Variants in OSBPL3 observed in about 807,000 individuals in gnomAD.
OSBPL3 encodes the protein oxysterol binding protein like 3.
Under a neutral mutation model 120.1 loss-of-function variants are expected in OSBPL3, and 65 were observed. That is an observed-to-expected ratio of 0.54 (90% confidence interval 0.44 to 0.67). The LOEUF (loss-of-function observed/expected upper bound fraction) is 0.67. Among genes scored for constraint, OSBPL3 ranks in the 30% least tolerant of loss-of-function variants. The probability of loss-of-function intolerance (pLI) is 0.00; values close to 1 mark genes in which losing one functional copy is unlikely to be tolerated. For missense variants in OSBPL3, 1,004 were observed against 1,082.1 expected (o/e 0.93, Z 1.01); for synonymous variants, 416 against 402.6 (o/e 1.03, Z -0.40).
At chr7:24,906,887 A>G (rs1584577723) in intron 1 of OSBPL3, among the ~76,000 whole-genome samples, 1 of 150,812 alleles carries the variant, frequency 6.6e-6, no homozygotes. Context: ...ACTGCTCCCT[A>G]CCCCCACACT....
chr7:24,875,534 T>C (rs1433170822), intron 2 of OSBPL3, among the ~76,000 whole-genome samples: 1 of 152,172 alleles, frequency 6.6e-6, no homozygotes, highest in South Asian at 2.1e-4. Flanking sequence ...AAATTATGTA[T>C]TCAAGTAGGT....
intron 1 of OSBPL3, among the ~76,000 whole-genome samples, chr7:24,910,117 T>A (rs899306064): frequency 1.1e-4 from 16 of 152,162 alleles, no homozygotes; most frequent in Non-Finnish European, 2.1e-4. Flanking sequence ...AAAGCTACTA[T>A]TTTCAATTTG....
intron 1 of OSBPL3, among the ~76,000 whole-genome samples, chr7:24,941,012 G>T (rs1813038673): frequency 6.6e-6 from 1 of 151,910 alleles, no homozygotes; most frequent in African/African-American, 2.4e-5. Context: ...GTAGAGACGG[G>T]GTTTCACCAT....
At chr7:24,962,184 T>G (rs1815825824) in intron 1 of OSBPL3, among the ~76,000 whole-genome samples, 1 of 151,540 alleles carries the variant, frequency 6.6e-6, no homozygotes, top group South Asian at 2.1e-4. Context: ...ATGCCTGTAA[T>G]CCCAGCTACT....
At chr7:24,893,069 T>A (rs1805607753) in intron 1 of OSBPL3, among the ~76,000 whole-genome samples, 1 of 152,238 alleles carries the variant, frequency 6.6e-6, no homozygotes, top group Non-Finnish European at 1.5e-5. Context: ...GCTGTTCTAT[T>A]TCTCAAAAAT....
chr7:24,906,338 A>G, intron 1 of OSBPL3: 1 of 240,936 alleles, frequency 4.2e-6, no homozygotes, highest in South Asian at 4.7e-5. Flanking sequence ...TACCAGGGCA[A>G]AGAGGAGCCG....
In OSBPL3 at chr7:24,831,223, T is replaced by C. The variant is rs1796327448; in HGVS notation, c.1747-318A>G. Among the ~76,000 whole-genome samples the C allele has an allele frequency of 6.6e-6, 1 of 152,178 alleles. No homozygotes were observed. Among genetic ancestry groups the C allele is most frequent in the Non-Finnish European group, 1.5e-5 (1 of 68,026 alleles). On this transcript the variant is annotated intron_variant, in intron 15 of 22. Coordinates refer to ENST00000313367, the MANE Select transcript of OSBPL3 (RefSeq NM_015550.4). The surrounding 1 kb of genome is among the most constrained non-coding windows in gnomAD (Gnocchi z 4.0). The stretch of plus-strand genomic sequence containing the variant: ...ACTGTTAAGCTGAGTCCAGTACTTT[T>C]AAGCCTGACAGTATCTGAGGATCCT...
Position 24,953,949 on chromosome 7 carries a change from C to G in OSBPL3, c.-150+25937G>C, listed in dbSNP as rs1224829634. Reference sequence around the variant, plus strand: ...TGATCAACAGTCTGGAACACTTTCTCAATCACCAGATGAACCTTAGAACAA... The same window carrying G: ...TGATCAACAGTCTGGAACACTTTCTGAATCACCAGATGAACCTTAGAACAA... On this transcript the variant is annotated intron_variant, in intron 1 of 22. Transcript: ENST00000313367. The surrounding 1 kb of genome is among the most constrained non-coding windows in gnomAD (Gnocchi z 4.3). Among the ~76,000 whole-genome samples the G allele has an allele frequency of 6.6e-6, 1 of 152,186 alleles. No homozygotes were observed. The highest frequency in any genetic ancestry group is 6.5e-5 in the Admixed American group (1 of 15,278).
intron 1 of OSBPL3, among the ~76,000 whole-genome samples, chr7:24,897,847 T>C (rs898305083): frequency 6.6e-6 from 1 of 152,216 alleles, no homozygotes; most frequent in Non-Finnish European, 1.5e-5. Context: ...ATAACACAGC[T>C]ACTTATTAAT....
chr7:24,830,206 A>G lies in OSBPL3; in HGVS notation c.1884+562T>C, dbSNP rs1796198596. Reference sequence around the variant, plus strand: ...GAGTACAAGGTTGTGCATCCATCAGATGAGGGCAGGGACTCCTGTCCGGAC... The same window carrying G: ...GAGTACAAGGTTGTGCATCCATCAGGTGAGGGCAGGGACTCCTGTCCGGAC... On this transcript the variant is annotated intron_variant, in intron 16 of 22. Coordinates refer to ENST00000313367, the MANE Select transcript of OSBPL3 (RefSeq NM_015550.4). The surrounding 1 kb of genome is among the most constrained non-coding windows in gnomAD (Gnocchi z 4.4). 6.6e-6 allele frequency among the ~76,000 whole-genome samples: 1 copy of G among 152,174 alleles called. No individual in the cohort carries two copies. The highest frequency in any genetic ancestry group is 2.4e-5 in the African/African-American group (1 of 41,444).
Position 24,873,035 on chromosome 7 carries a change from T to C in OSBPL3, c.97-966A>G, listed in dbSNP as rs769869489. Among the ~76,000 whole-genome samples, 2 of 152,214 alleles carry C rather than the reference T, an allele frequency of 1.3e-5. No homozygotes were observed. Among genetic ancestry groups the C allele is most frequent in the African/African-American group, 2.4e-5 (1 of 41,446 alleles). On this transcript the variant is annotated intron_variant, in intron 2 of 22. Transcript: ENST00000313367. The surrounding 1 kb of genome is among the most constrained non-coding windows in gnomAD (Gnocchi z 4.1). Reference sequence around the variant, plus strand: ...GATAAAAATGATAAATTTTTACATTTATACATATACTCAGTAACTGCCAGC... The same window carrying C: ...GATAAAAATGATAAATTTTTACATTCATACATATACTCAGTAACTGCCAGC...
intron 5 of OSBPL3, among the ~76,000 whole-genome samples, chr7:24,869,957 C>A (rs766262929): frequency 3.9e-5 from 6 of 152,214 alleles, no homozygotes; most frequent in Non-Finnish European, 7.3e-5. Flanking sequence ...TAATTTCTAA[C>A]ATTTGGGTAC....
rs1814896895 is a variant in OSBPL3, at chr7:24,955,220, G to A, written c.-150+24666C>T. ...ATAAAGTTATAGTTCAATCATTCAT[G>A]AATTTGCTGAAAGCCAGTAGCAGGT... On this transcript the variant is annotated intron_variant, in intron 1 of 22. Coordinates refer to ENST00000313367, the MANE Select transcript of OSBPL3 (RefSeq NM_015550.4). This position sits in a 1 kb window ranked among gnomAD's most constrained non-coding sequence, Gnocchi z 4.3. Among the ~76,000 whole-genome samples the A allele has an allele frequency of 1.3e-5, 2 of 152,192 alleles. No individual in the cohort carries two copies. The highest frequency in any genetic ancestry group is 4.1e-4 in the South Asian group (2 of 4,834).
rs201872335 is a variant in OSBPL3, at chr7:24,872,443, A to AAGAG, written c.97-378_97-375dup. Among the ~76,000 whole-genome samples the AAGAG allele has an allele frequency of 1.4e-5, 1 of 71,194 alleles. No individual in the cohort carries two copies. Among genetic ancestry groups the AAGAG allele is most frequent in the African/African-American group, 5.8e-5 (1 of 17,168 alleles). The allele number at this position is 71,194 out of a possible 152,430, so 46.7% of individuals were successfully genotyped here. On this transcript the variant is annotated intron_variant, in intron 2 of 22. Transcript: ENST00000313367. This position sits in a 1 kb window ranked among gnomAD's most constrained non-coding sequence, Gnocchi z 4.1. ...AGACTTCAGTCTGAATTTTAACCGA[A>AAGAG]AGAGAGTGTGTGTGTGTGTGTGTGT...
rs1278679766 is a variant in OSBPL3, at chr7:24,967,168, T to C, written c.-150+12718A>G. Among the ~76,000 whole-genome samples the C allele has an allele frequency of 6.6e-6, 1 of 152,198 alleles. No homozygotes were observed. Among genetic ancestry groups the C allele is most frequent in the Non-Finnish European group, 1.5e-5 (1 of 68,012 alleles). ...CCTTCCCACAGTGTACACACAGAAA[T>C]CTTCCAATCATACAACATTTAATTT... On this transcript the variant is annotated intron_variant, in intron 1 of 22. Coordinates refer to ENST00000313367, the MANE Select transcript of OSBPL3 (RefSeq NM_015550.4). This position sits in a 1 kb window ranked among gnomAD's most constrained non-coding sequence, Gnocchi z 5.6.
At position 24,881,353 on chromosome 7, in the gene OSBPL3, C is replaced by A. The variant is rs1465344183; in HGVS notation, c.97-9284G>T. 2.0e-5 allele frequency among the ~76,000 whole-genome samples: 3 copies of A among 152,168 alleles called. No individual in the cohort carries two copies. The highest frequency in any genetic ancestry group is 4.4e-5 in the Non-Finnish European group (3 of 68,030). ...ACTTTACAAATCAAAGAAGGAATGA[C>A]TTTAGTGCCAAGTATGTTATAGTCC... On this transcript the variant is annotated intron_variant, in intron 2 of 22. Transcript: ENST00000313367. This position sits in a 1 kb window ranked among gnomAD's most constrained non-coding sequence, Gnocchi z 4.3.
Position 24,800,272 on chromosome 7 carries a change from C to T in OSBPL3, c.2575G>A (p.Asp859Asn), listed in dbSNP as rs139154799. The T allele has an allele frequency of 2.5e-3, 3,964 of 1,604,726 alleles. 16 individuals carry two copies. Among genetic ancestry groups the T allele is most frequent in the Non-Finnish European group, 3.1e-3 (3,674 of 1,171,800 alleles). Residue 859 changes from aspartate (D) to asparagine (N), a missense_variant, in exon 23 of 23, where the codon GAC becomes AAC. Transcript: ENST00000313367. Reference sequence around the variant, plus strand: ...CCGTTGCTCACCCAAGAGTCATCGTCGGATTTCCTGTGAAAGAAGAAACAA... The same window carrying T: ...CCGTTGCTCACCCAAGAGTCATCGTTGGATTTCCTGTGAAAGAAGAAACAA... ...EHQPRFFRKSDDDSWVSNGTY... is the reference protein window; with the variant it reads ...EHQPRFFRKSNDDSWVSNGTY...
In OSBPL3 at chr7:24,834,491, T is replaced by C. The variant is rs771918118; in HGVS notation, c.1741A>G (p.Arg581Gly). Reference protein sequence around the residue: ...KAAQIPSPLERMVYVAAFAIS... With the variant: ...KAAQIPSPLEGMVYVAAFAIS... The stretch of plus-strand genomic sequence containing the variant: ...AGGGAAGGCTGACTCCTCACCATCC[T>C]TTCCAGGGGGCTGGGAATCTGCGCG... Residue 581 changes from arginine (R) to glycine (G), a missense_variant, in exon 15 of 23, where the codon AGG becomes GGG. This residue lies in a region of OSBPL3 where 473 missense variants were observed against 568.0 expected (regional missense o/e 0.83). Transcript: ENST00000313367. This position sits in a 1 kb window ranked among gnomAD's most constrained non-coding sequence, Gnocchi z 5.2. 1.2e-6 allele frequency: 2 copies of C among 1,609,072 alleles called. No individual in the cohort carries two copies. Among genetic ancestry groups the C allele is most frequent in the African/African-American group, 1.3e-5 (1 of 74,872 alleles).
intron 1 of OSBPL3, among the ~76,000 whole-genome samples, chr7:24,957,393 A>G (rs1815198800): frequency 6.6e-6 from 1 of 152,192 alleles, no homozygotes; most frequent in African/African-American, 2.4e-5. Context: ...AATGAATTCC[A>G]ACGTTTCCAC....
Sources: gnomAD v4.1 joint callset for allele counts (sites outside exome capture counted in the v4.1 genomes callset) on GRCh38, gnomAD v4.1.1 for gene constraint, gnomAD v4.1.1 regional missense constraint, Gnocchi (gnomAD v3.1) non-coding constraint, MANE v1.5 for transcripts, NCBI Gene and HGNC (gene_info 2026-07-23, HGNC 2026-07-21) for gene names.